EBF2: variants seen among roughly 807,000 people sequenced by gnomAD.
EBF2 encodes the protein transcription factor COE2.
Under a neutral mutation model 72.8 loss-of-function variants are expected in EBF2, and 21 were observed. That is an observed-to-expected ratio of 0.29 (90% CI 0.20 to 0.42). The LOEUF is 0.42. EBF2 is among the 10% of genes least tolerant of loss of function. EBF2 has a pLI of 1.00. For missense variants in EBF2, 637 were observed against 731.2 expected, an observed-to-expected ratio of 0.87 and a Z score of 1.49; for synonymous variants, 299 against 274.2, an observed-to-expected ratio of 1.09 and a Z score of -0.89.
intron 10 of EBF2, among the ~76,000 whole-genome samples, chr8:25,878,723 A>T (rs1802561830): frequency 6.6e-6 from 1 of 152,116 alleles, no homozygotes; most frequent in Non-Finnish European, 1.5e-5. Flanking sequence ...GCTATCCTTG[A>T]TAGCATTTCT....
chr8:25,844,449 G>T lies in EBF2; in HGVS notation c.*160C>A. On this transcript the variant is annotated 3_prime_UTR_variant, in exon 16 of 16. Coordinates refer to ENST00000520164, the MANE Select transcript of EBF2 (RefSeq NM_022659.4). ...TGTAGCCACCATCAGAGCTATAGGAGGACGTGGGACCAAGTAAGATGCTGG... is the reference window on the plus strand; with the variant it reads ...TGTAGCCACCATCAGAGCTATAGGATGACGTGGGACCAAGTAAGATGCTGG... 1.4e-6 allele frequency: 1 copy of T among 700,600 alleles called. No individual in the cohort carries two copies. The allele number at this position is 700,600 out of a possible 1,614,324, so 43.4% of individuals were successfully genotyped here.
At chr8:26,037,895 G>A (rs767193715) in intron 5 of EBF2, among the ~76,000 whole-genome samples, 8 of 152,186 alleles carry the variant, frequency 5.3e-5, no homozygotes, top group Non-Finnish European at 7.3e-5. Flanking sequence ...AGATTTATGA[G>A]GCTTTTACTA....
Position 26,044,809 on chromosome 8 carries a change from T to G in EBF2, c.51A>C (p.Lys17Asn), listed in dbSNP as rs747232219. The G allele has an allele frequency of 6.2e-7, 1 of 1,614,156 alleles. No individual in the cohort carries two copies. The highest frequency in any genetic ancestry group is 1.7e-5 in the Admixed American group (1 of 59,996). Reference protein sequence around the residue: ...TLGRGPTLKEKSLGAEMDSVR... With the variant: ...TLGRGPTLKENSLGAEMDSVR... Reference sequence around the variant, plus strand: ...CCGAATCCATCTCCGCGCCCAGCGATTTCTCTTTCAGAGTTGGTCCTCTTC... The same window carrying G: ...CCGAATCCATCTCCGCGCCCAGCGAGTTCTCTTTCAGAGTTGGTCCTCTTC... The change falls in exon 1 of 16, where the codon AAA (lysine) becomes AAC (asparagine). Residue 17 changes from lysine (K) to asparagine (N), a missense_variant. Physicochemically the swap from Lys to Asn is moderately conservative, Grantham distance 94. Coordinates refer to ENST00000520164, the MANE Select transcript of EBF2 (RefSeq NM_022659.4). The surrounding 1 kb of genome is among the most constrained non-coding windows in gnomAD (Gnocchi z 4.1).
rs747683488 is a variant in EBF2, at chr8:25,858,425, G to A, written c.1422C>T (p.Thr474=). The A allele has an allele frequency of 9.9e-6, 16 of 1,614,008 alleles. No homozygotes were observed. The South Asian group carries it at 1.6e-4, about 17-fold the overall frequency. Residue 474 remains threonine, a synonymous_variant, in exon 14 of 16, where the codon ACC becomes ACT. Coordinates refer to ENST00000520164, the MANE Select transcript of EBF2 (RefSeq NM_022659.4). The stretch of plus-strand genomic sequence containing the variant: ...TGTAGCCATTCATACTGTTGCTGGA[G>A]GTACTGTAATTAGACTGTTGAGGCG... ...SSTPQQSNYS[T]SSNSMNGYSN...
intron 6 of EBF2, chr8:26,032,688 G>C (rs1379889339): frequency 5.4e-6 from 1 of 184,832 alleles, no homozygotes; most frequent in East Asian, 1.3e-4. Context: ...AATCTGAATT[G>C]ATAATCTTCC....
intron 6 of EBF2, among the ~76,000 whole-genome samples, chr8:25,908,924 G>A (rs1803083158): frequency 6.6e-6 from 1 of 152,122 alleles, no homozygotes. Context: ...GTTAAAAATG[G>A]CAGGACCCGG....
intron 10 of EBF2, among the ~76,000 whole-genome samples, chr8:25,882,785 A>T (rs1802625537): frequency 6.6e-6 from 1 of 152,208 alleles, no homozygotes; most frequent in African/African-American, 2.4e-5. Flanking sequence ...GTTAGTGTTT[A>T]TGTCAGTGCA....
intron 6 of EBF2, among the ~76,000 whole-genome samples, chr8:26,027,749 G>T (rs998255956): frequency 6.6e-6 from 1 of 152,004 alleles, no homozygotes; most frequent in African/African-American, 2.4e-5. Flanking sequence ...ACAAAATGTG[G>T]TTCATCCATA....
intron 5 of EBF2, among the ~76,000 whole-genome samples, chr8:26,033,522 G>A (rs1191198278): frequency 1.3e-5 from 2 of 152,344 alleles, no homozygotes; most frequent in South Asian, 4.1e-4. Context: ...GAGCTGTAGT[G>A]CCTGGCCACA....
intron 6 of EBF2, among the ~76,000 whole-genome samples, chr8:25,966,873 G>C (rs1406860114): frequency 6.6e-6 from 1 of 152,186 alleles, no homozygotes; most frequent in Non-Finnish European, 1.5e-5. Context: ...ACAAGCTGTG[G>C]TGCCCTTCCT....
At chr8:26,004,600 G>C (rs1804800830) in intron 6 of EBF2, among the ~76,000 whole-genome samples, 1 of 146,480 alleles carries the variant, frequency 6.8e-6, no homozygotes, top group African/African-American at 2.5e-5. Context: ...GTTGGAACCA[G>C]GGAGGCAGAG....
At chr8:25,909,053 A>G (rs1475055065) in intron 6 of EBF2, among the ~76,000 whole-genome samples, 2 of 152,206 alleles carry the variant, frequency 1.3e-5, no homozygotes, top group African/African-American at 4.8e-5. Flanking sequence ...AGAAAATGAT[A>G]TGTTATCTTC....
At chr8:25,941,703 C>T (rs1803675718) in intron 6 of EBF2, among the ~76,000 whole-genome samples, 1 of 152,168 alleles carries the variant, frequency 6.6e-6, no homozygotes, top group African/African-American at 2.4e-5. Flanking sequence ...AAGGGTTCCT[C>T]AGCAGTCCTG....
chr8:25,877,534 G>C (rs1213619117), intron 10 of EBF2, among the ~76,000 whole-genome samples: 3 of 152,200 alleles, frequency 2.0e-5, no homozygotes, highest in Non-Finnish European at 4.4e-5. Context: ...CCCCGATGTT[G>C]TTTGTGCTGT....
intron 10 of EBF2, among the ~76,000 whole-genome samples, chr8:25,867,533 G>T (rs1424114783): frequency 2.0e-5 from 3 of 152,136 alleles, no homozygotes; most frequent in African/African-American, 7.2e-5. Context: ...AGACTACTTT[G>T]CGGACTGTTC....
chr8:26,038,455 G>A (rs1196427187), intron 5 of EBF2, among the ~76,000 whole-genome samples: 7 of 152,176 alleles, frequency 4.6e-5, no homozygotes, highest in Non-Finnish European at 1.0e-4. Context: ...AACTACAGCT[G>A]GATGGGGCAT....
intron 2 of EBF2, among the ~76,000 whole-genome samples, chr8:26,041,824 T>C (rs1388303245): frequency 2.0e-5 from 3 of 152,128 alleles, no homozygotes; most frequent in Non-Finnish European, 4.4e-5. Flanking sequence ...AAGGGGCGTT[T>C]GCTCCGCCGT....
chr8:26,027,782 T>C (rs1805323821), intron 6 of EBF2, among the ~76,000 whole-genome samples: 1 of 152,120 alleles, frequency 6.6e-6, no homozygotes, highest in Non-Finnish European at 1.5e-5. Context: ...ATTTGGCCTT[T>C]AAAAGAAAGG....
intron 6 of EBF2, among the ~76,000 whole-genome samples, chr8:25,917,140 A>ACAGTTT (rs1324050324): frequency 2.0e-5 from 3 of 151,636 alleles, no homozygotes; most frequent in Non-Finnish European, 2.9e-5. Context: ...ATTGGTAACT[A>ACAGTTT]CAGTTTCTGA....
Sources: gnomAD v4.1 joint callset for allele counts (sites outside exome capture counted in the v4.1 genomes callset) on GRCh38, gnomAD v4.1.1 for gene constraint, Gnocchi (gnomAD v3.1) non-coding constraint, MANE v1.5 for transcripts, NCBI Gene and HGNC (gene_info 2026-07-23, HGNC 2026-07-21) for gene names.